The following GFM1 variants were observed in gnomAD, a reference collection of about 807,000 sequenced individuals.
The protein encoded by GFM1 is G elongation factor mitochondrial 1.
GFM1 carries 62 observed loss-of-function variants against 96.2 expected under a neutral mutation model. That is an observed-to-expected ratio of 0.64 (90% CI 0.53 to 0.80). The LOEUF (loss-of-function observed/expected upper bound fraction) is 0.80. Ranked by LOEUF, GFM1 falls within the 30% of genes least tolerant of loss-of-function variation. The pLI is 0.00. For missense variants in GFM1, 852 were observed against 916.6 expected (o/e 0.93, Z 0.91); for synonymous variants, 282 against 312.9 (o/e 0.90, Z 1.04).
chr3:158,686,155 A>G (rs9835839), intron 15 of GFM1, among the ~76,000 whole-genome samples: 61,822 of 148,328 alleles, frequency 0.42, 14,009 homozygotes, highest in African/African-American at 0.6. Flanking sequence ...TATATATAAT[A>G]TGTTATATAT....
intron 8 of GFM1, chr3:158,656,686 T>A (rs1378121928): frequency 6.6e-6 from 1 of 152,256 alleles, no homozygotes; most frequent in Admixed American, 6.5e-5. Context: ...GAGATTTGTC[T>A]TTCTTCCCTG....
At chr3:158,685,582 C>A (rs1322116109) in intron 15 of GFM1, among the ~76,000 whole-genome samples, 4 of 152,140 alleles carry the variant, frequency 2.6e-5, no homozygotes. Context: ...GGTCACACTT[C>A]GCATCTGTGA....
At chr3:158,684,417 G>A (rs955997681) in intron 14 of GFM1, 107 bp from the exon 15 acceptor site, 10 of 1,097,982 alleles carry the variant, frequency 9.1e-6, no homozygotes, top group South Asian at 1.3e-5. Context: ...GTGAAATACA[G>A]CACACATAAA....
intron 8 of GFM1, chr3:158,656,021 C>G: frequency 2.3e-6 from 1 of 430,162 alleles, no homozygotes; most frequent in Non-Finnish European, 4.6e-6. Context: ...TTATTTGATG[C>G]TTTTCACATG....
chr3:158,684,650 G>C lies in GFM1; in HGVS notation c.1891G>C (p.Glu631Gln), dbSNP rs777903754. Reference protein sequence around the residue: ...SNEISFIRAGEGALKQALANA... With the variant: ...SNEISFIRAGQGALKQALANA... ...TGAAATCTCTTTCATCCGAGCAGGA[G>C]AAGGTGCTCTTAAACAAGGTATGCT... The change falls in exon 15 of 18, where the codon GAA (glutamate) becomes CAA (glutamine). Residue 631 changes from glutamate (E) to glutamine (Q), a missense_variant. Transcript: ENST00000486715. 1 of 1,613,994 alleles carries C rather than the reference G, an allele frequency of 6.2e-7. No homozygotes were observed. The highest frequency in any genetic ancestry group is 1.3e-5 in the African/African-American group (1 of 74,928).
intron 11 of GFM1, among the ~76,000 whole-genome samples, chr3:158,663,279 A>G (rs1426645699): frequency 3.3e-5 from 5 of 152,212 alleles, no homozygotes; most frequent in Non-Finnish European, 7.4e-5. Context: ...ATTCTTTGCC[A>G]TGGGAATTAG....
chr3:158,684,459 G>A, intron 14 of GFM1, 65 bp from the exon 15 acceptor site: 4 of 1,533,070 alleles, frequency 2.6e-6, no homozygotes, highest in East Asian at 4.5e-5. Flanking sequence ...ATATTTTGGG[G>A]TTCTTGATAA....
chr3:158,656,102 C>A, intron 8 of GFM1: 1 of 316,508 alleles, frequency 3.2e-6, no homozygotes, highest in Non-Finnish European at 6.2e-6. Context: ...CACATCATAT[C>A]CAAGGTACAG....
At chr3:158,662,319 A>G (rs1723258599) in intron 10 of GFM1, among the ~76,000 whole-genome samples, 1 of 152,232 alleles carries the variant, frequency 6.6e-6, no homozygotes, top group Admixed American at 6.5e-5. Context: ...CCAAGCAATA[A>G]GAATTTCACA....
intron 14 of GFM1, among the ~76,000 whole-genome samples, chr3:158,683,936 GAT>G (rs963744978): frequency 1.3e-4 from 20 of 152,232 alleles, no homozygotes; most frequent in African/African-American, 4.8e-4. Context: ...CAATAGCAAA[GAT>G]ATGTAATCAA....
Position 158,693,957 on chromosome 3 carries a change from G to A in GFM1, c.*2490G>A, listed in dbSNP as rs2566330. 0.99 allele frequency among the ~76,000 whole-genome samples: 150,997 copies of A among 152,326 alleles called. 74,841 individuals carry two copies. Among genetic ancestry groups the A allele is most frequent in the Middle Eastern group, 1 (294 of 294 alleles). On this transcript the variant is annotated 3_prime_UTR_variant, in exon 18 of 18. Transcript: ENST00000486715. Reference sequence around the variant, plus strand: ...GAAATGAAAAATCTGTGAAATTCAGGAGTGTCATATTGTATTCTTTTGTGT... The same window carrying A: ...GAAATGAAAAATCTGTGAAATTCAGAAGTGTCATATTGTATTCTTTTGTGT...
chr3:158,646,631 C>T, intron 3 of GFM1, 112 bp from the exon 4 acceptor site: 2 of 972,734 alleles, frequency 2.1e-6, no homozygotes, highest in Non-Finnish European at 3.2e-6. Flanking sequence ...CAGGAATCTA[C>T]ATTCTTATTA....
chr3:158,650,213 A>T, intron 5 of GFM1: 1 of 687,692 alleles, frequency 1.5e-6, no homozygotes, highest in Non-Finnish European at 2.6e-6. Context: ...TTTACCTACC[A>T]CTCCTTAGGA....
intron 13 of GFM1, among the ~76,000 whole-genome samples, chr3:158,676,089 A>G (rs1724863366): frequency 6.6e-6 from 1 of 152,178 alleles, no homozygotes; most frequent in South Asian, 2.1e-4. Context: ...TCTGAGCAAC[A>G]TGGCGAAGCC....
At chr3:158,689,401 A>G (rs901462551) in intron 15 of GFM1, among the ~76,000 whole-genome samples, 1 of 152,134 alleles carries the variant, frequency 6.6e-6, no homozygotes, top group African/African-American at 2.4e-5. Flanking sequence ...ATTCTCAATC[A>G]GGTGATGAAA....
chr3:158,649,673 C>T (rs986473649), intron 5 of GFM1: 20 of 267,118 alleles, frequency 7.5e-5, no homozygotes, highest in Non-Finnish European at 1.3e-4. Flanking sequence ...AAGTTGGTAA[C>T]TTTTTGATGT....
intron 13 of GFM1, chr3:158,671,097 C>T: frequency 2.2e-6 from 3 of 1,353,500 alleles, no homozygotes; most frequent in Admixed American, 6.2e-5. Flanking sequence ...GTATGCATCT[C>T]ATTTGGTTGG....
chr3:158,669,552 GCA>G (rs772773398), intron 13 of GFM1: 1 of 1,613,964 alleles, frequency 6.2e-7, no homozygotes, highest in Admixed American at 1.7e-5. Flanking sequence ...GACTTCTGGT[GCA>G]GTTTCTTGTC....
At chr3:158,658,813 T>G in intron 8 of GFM1, 109 bp from the exon 9 acceptor site, 1 of 1,136,294 alleles carries the variant, frequency 8.8e-7, no homozygotes, top group Admixed American at 1.8e-5. Flanking sequence ...TAAGATAGAT[T>G]ACTAAAATTG....
Sources: allele counts gnomAD v4.1 joint callset (sites outside exome capture counted in the v4.1 genomes callset), GRCh38; gene constraint gnomAD v4.1.1; transcripts MANE v1.5; gene names NCBI Gene and HGNC (gene_info 2026-07-23, HGNC 2026-07-21).